Variants in NCKAP5L observed in about 807,000 individuals in gnomAD.
The protein encoded by NCKAP5L is nck-associated protein 5-like.
Under a neutral mutation model 103.2 loss-of-function variants are expected in NCKAP5L, and 54 were observed. That is an observed-to-expected ratio of 0.52 (90% confidence interval 0.42 to 0.66). NCKAP5L has a LOEUF of 0.66. NCKAP5L is among the 30% of genes least tolerant of loss of function. The pLI, the probability that NCKAP5L is intolerant of heterozygous loss-of-function variation, is 0.00. For synonymous variants in NCKAP5L, 762 were observed against 748.6 expected (o/e 1.02, Z -0.29); for missense variants, 1,733 against 1,750.6 (o/e 0.99, Z 0.18).
chr12:49,798,078 C>A (rs192590028), intron 7 of NCKAP5L, among the ~76,000 whole-genome samples: 2 of 152,288 alleles, frequency 1.3e-5, no homozygotes, highest in Admixed American at 1.3e-4. Flanking sequence ...ATTACGTTAA[C>A]CTCACTAAAG....
At chr12:49,821,659 A>G (rs1946363419) in intron 1 of NCKAP5L, among the ~76,000 whole-genome samples, 1 of 152,250 alleles carries the variant, frequency 6.6e-6, no homozygotes, top group African/African-American at 2.4e-5. Flanking sequence ...CTTTCTTTGC[A>G]ACCCTTATCA....
chr12:49,827,723 C>T (rs1324528177), intron 1 of NCKAP5L, among the ~76,000 whole-genome samples: 1 of 152,244 alleles, frequency 6.6e-6, no homozygotes, highest in Non-Finnish European at 1.5e-5. Context: ...CCAGGTCCTT[C>T]CTCCTTCCCG....
chr12:49,796,572 C>G lies in NCKAP5L; in HGVS notation c.1288G>C (p.Val430Leu), dbSNP rs747920651. ...RPGHPHSSSQ[V>L]KSKLQIGPPS... ...GGGCCAATTTGGAGCTTGCTTTTCACCTGAGATGAGGAATGGGGGTGGCCA... is the reference window on the plus strand; with the variant it reads ...GGGCCAATTTGGAGCTTGCTTTTCAGCTGAGATGAGGAATGGGGGTGGCCA... The change falls in exon 8 of 13, where the codon GTG (valine) becomes CTG (leucine). Residue 430 changes from valine to leucine, a missense_variant. Physicochemically the swap from Val to Leu is conservative, Grantham distance 32 (BLOSUM62 1). Coordinates refer to ENST00000335999, the MANE Select transcript of NCKAP5L (RefSeq NM_001037806.4). The G allele has an allele frequency of 6.2e-7, 1 of 1,602,902 alleles. No homozygotes were observed. Among genetic ancestry groups the G allele is most frequent in the South Asian group, 1.1e-5 (1 of 89,734 alleles).
intron 1 of NCKAP5L, among the ~76,000 whole-genome samples, chr12:49,822,067 G>A (rs1456980872): frequency 1.3e-5 from 2 of 152,152 alleles, no homozygotes; most frequent in Non-Finnish European, 1.5e-5. Context: ...CATGGAGGTG[G>A]AGCCCTCATG....
intron 2 of NCKAP5L, chr12:49,804,909 G>A (rs890879936): frequency 3.3e-5 from 5 of 152,308 alleles, no homozygotes; most frequent in African/African-American, 1.2e-4. Context: ...CACTTGCTGG[G>A]TTATCCCAGG....
chr12:49,812,854 T>C (rs1946255830), intron 1 of NCKAP5L, among the ~76,000 whole-genome samples: 1 of 152,188 alleles, frequency 6.6e-6, no homozygotes, highest in Non-Finnish European at 1.5e-5. Flanking sequence ...CTAGGTCCCT[T>C]GCAAAAACCA....
At chr12:49,793,666 AG>A (rs1945977883) in intron 9 of NCKAP5L, 67 bp downstream of exon 9, 2 of 1,471,356 alleles carry the variant, frequency 1.4e-6, no homozygotes, top group South Asian at 2.9e-5. Context: ...GGAACCCTCT[AG>A]GGGGTAAGAG....
At chr12:49,803,784 A>G in intron 3 of NCKAP5L, 138 bp downstream of exon 3, 1 of 1,155,648 alleles carries the variant, frequency 8.7e-7, no homozygotes, top group Admixed American at 2.6e-5. Context: ...ATGTTCTGCT[A>G]GCCTCCTGCC....
Position 49,791,968 on chromosome 12 carries a change from G to A in NCKAP5L, c.3876C>T (p.Arg1292=), listed in dbSNP as rs762002702. 1.2e-6 allele frequency: 2 copies of A among 1,610,434 alleles called. No homozygotes were observed. The highest frequency in any genetic ancestry group is 1.3e-5 in the African/African-American group (1 of 74,872). ...CGGCCATGTCCGAAGTGCTGGGGGT[G>A]CGGCTACCCCCGAAAGGTGGGCCCT... ...TPQGPPFGGS[R]TPSTSDMAEE... The change falls in exon 13 of 13, where the codon CGC becomes CGT. Residue 1292 remains arginine (R), a synonymous_variant. Coordinates refer to ENST00000335999, the MANE Select transcript of NCKAP5L (RefSeq NM_001037806.4).
rs923952315 is a variant in NCKAP5L, at chr12:49,795,804, C to A, written c.2056G>T (p.Val686Leu). ...TTTTCGGTGCCAGGCCTGGCTGGCA[C>A]CCCATTCTTCTCTGAGCCCAGGGCC... ...EGALGSEKNGVPARPGTEKTR... is the reference protein window; with the variant it reads ...EGALGSEKNGLPARPGTEKTR... The change falls in exon 8 of 13, where the codon GTG becomes TTG. Residue 686 changes from valine to leucine, a missense_variant. Coordinates refer to ENST00000335999, the MANE Select transcript of NCKAP5L (RefSeq NM_001037806.4). The A allele has an allele frequency of 1.9e-6, 3 of 1,572,906 alleles. No homozygotes were observed. The highest frequency in any genetic ancestry group is 1.4e-5 in the African/African-American group (1 of 73,636).
intron 1 of NCKAP5L, among the ~76,000 whole-genome samples, chr12:49,822,198 A>C (rs527445359): frequency 7.2e-5 from 11 of 152,108 alleles, no homozygotes; most frequent in Non-Finnish European, 1.3e-4. Context: ...CCAGACACCA[A>C]ATCTGCCCTT....
chr12:49,826,863 C>T (rs1453460682), intron 1 of NCKAP5L, among the ~76,000 whole-genome samples: 4 of 152,196 alleles, frequency 2.6e-5, no homozygotes, highest in Non-Finnish European at 4.4e-5. Flanking sequence ...CAGGTCCTCA[C>T]TCTCTTCGTG....
At chr12:49,820,312 C>T (rs867693172) in intron 1 of NCKAP5L, among the ~76,000 whole-genome samples, 5 of 145,494 alleles carry the variant, frequency 3.4e-5, no homozygotes, top group South Asian at 4.4e-4. Context: ...TATCTCCTGG[C>T]CTTTTTTTTT....
At chr12:49,820,977 C>T (rs1946355009) in intron 1 of NCKAP5L, among the ~76,000 whole-genome samples, 1 of 152,132 alleles carries the variant, frequency 6.6e-6, no homozygotes, top group Non-Finnish European at 1.5e-5. Context: ...CCCTGCAGGG[C>T]ACAGGAGAGA....
At chr12:49,803,363 G>T (rs534613231) in intron 3 of NCKAP5L, among the ~76,000 whole-genome samples, 198 bp from the exon 4 acceptor site, 2 of 152,314 alleles carry the variant, frequency 1.3e-5, no homozygotes, top group African/African-American at 2.4e-5. Flanking sequence ...GGCTGACCTG[G>T]GATGGTTTTC....
chr12:49,796,428 G>T lies in NCKAP5L; in HGVS notation c.1432C>A (p.Pro478Thr). 1 of 1,558,268 alleles carries T rather than the reference G, an allele frequency of 6.4e-7. No homozygotes were observed. Among genetic ancestry groups the T allele is most frequent in the South Asian group, 1.2e-5 (1 of 81,640 alleles). The change falls in exon 8 of 13, where the codon CCC becomes ACC. Residue 478 changes from proline to threonine, a missense_variant. By Grantham distance (38) the Pro-to-Thr change is conservative. Coordinates refer to ENST00000335999, the MANE Select transcript of NCKAP5L (RefSeq NM_001037806.4). Reference sequence around the variant, plus strand: ...ATTCGCGAGTTCCGGGGGAGCTGGGGACTGAGCTGCGGGCCTCCTGGGCTG... The same window carrying T: ...ATTCGCGAGTTCCGGGGGAGCTGGGTACTGAGCTGCGGGCCTCCTGGGCTG... ...SPSPGGPQLS[P>T]QLPRNSRIPC...
At chr12:49,811,848 A>G (rs1946243629) in intron 1 of NCKAP5L, among the ~76,000 whole-genome samples, 1 of 152,144 alleles carries the variant, frequency 6.6e-6, no homozygotes, top group Middle Eastern at 3.2e-3. Context: ...AAAATACTCT[A>G]GATACTTCAA....
chr12:49,796,941 C>A lies in NCKAP5L; in HGVS notation c.919G>T (p.Asp307Tyr), dbSNP rs774922408. The change falls in exon 8 of 13, where the codon GAC (aspartate) becomes TAC (tyrosine). Residue 307 changes from aspartate to tyrosine, a missense_variant. Coordinates refer to ENST00000335999, the MANE Select transcript of NCKAP5L (RefSeq NM_001037806.4). ...SSSSSSDEAG[D>Y]PNEAPSPDTL... ...TCGGGGCTGGGTGCCTCATTGGGGT[C>A]ACCTGCCTCATCAGAAGAGGAGGAG... 5 of 1,605,618 alleles carry A rather than the reference C, an allele frequency of 3.1e-6. No homozygotes were observed. The highest frequency in any genetic ancestry group is 3.4e-6 in the Non-Finnish European group (4 of 1,176,770).
chr12:49,793,273 G>A, intron 10 of NCKAP5L, 79 bp downstream of exon 10: 5 of 1,412,324 alleles, frequency 3.5e-6, no homozygotes, highest in East Asian at 4.6e-5. Context: ...ACCTGCTGCG[G>A]GGACGGGAAG....
Sources: gnomAD v4.1 joint callset for allele counts (sites outside exome capture counted in the v4.1 genomes callset) on GRCh38, gnomAD v4.1.1 for gene constraint, MANE v1.5 for transcripts, NCBI Gene and HGNC (gene_info 2026-07-23, HGNC 2026-07-21) for gene names.